Variants in ANO3 observed in about 807,000 individuals in gnomAD.
The protein encoded by ANO3 is anoctamin-3.
ANO3 carries 99 observed loss-of-function variants against 144.8 expected under a neutral mutation model. The observed-to-expected ratio is 0.68, with a 90% CI of 0.58 to 0.81. The LOEUF is 0.81. Among genes scored for constraint, ANO3 ranks in the 30% least tolerant of loss-of-function variants. ANO3 has a pLI of 0.00. For missense variants in ANO3, 905 were observed against 1,202.2 expected (o/e 0.75, Z 3.66); for synonymous variants, 414 against 392.6 (o/e 1.05, Z -0.64).
At chr11:26,626,228 G>A (rs1283345016) in intron 18 of ANO3, among the ~76,000 whole-genome samples, 2 of 151,588 alleles carry the variant, frequency 1.3e-5, no homozygotes, top group African/African-American at 4.8e-5. Flanking sequence ...TGGATACTTA[G>A]TGCATCCCAT....
At chr11:26,225,308 T>G (rs897496074) in intron 1 of ANO3, among the ~76,000 whole-genome samples, 7 of 146,684 alleles carry the variant, frequency 4.8e-5, no homozygotes, top group Admixed American at 2.7e-4. Flanking sequence ...TACAAGATTA[T>G]AAATATAATA....
chr11:26,391,897 C>T (rs553525625), intron 1 of ANO3, among the ~76,000 whole-genome samples: 3 of 152,198 alleles, frequency 2.0e-5, no homozygotes, highest in African/African-American at 7.2e-5. Flanking sequence ...TTTATTCCAT[C>T]GTTAAAGCTT....
chr11:26,521,422 C>T (rs1219629969), intron 6 of ANO3, among the ~76,000 whole-genome samples: 2 of 152,040 alleles, frequency 1.3e-5, no homozygotes, highest in African/African-American at 4.8e-5. Flanking sequence ...TCTTTTCTTC[C>T]TCCTTCTGTC....
intron 11 of ANO3, among the ~76,000 whole-genome samples, chr11:26,547,208 C>A (rs1469128671): frequency 6.6e-6 from 1 of 151,694 alleles, no homozygotes; most frequent in East Asian, 1.9e-4. Flanking sequence ...GACAGAATTG[C>A]CCCATATTGA....
intron 1 of ANO3, among the ~76,000 whole-genome samples, chr11:26,379,097 C>T (rs1275769154): frequency 2.0e-5 from 3 of 151,840 alleles, no homozygotes; most frequent in African/African-American, 7.3e-5. Flanking sequence ...AGTAACATGT[C>T]AGCAAATAAA....
intron 1 of ANO3, among the ~76,000 whole-genome samples, chr11:26,354,759 A>G (rs1397172326): frequency 4.6e-5 from 7 of 152,148 alleles, no homozygotes; most frequent in Admixed American, 3.3e-4. Flanking sequence ...TCCTCAGTAA[A>G]TAAGTATCAA....
At position 26,442,023 on chromosome 11, in the gene ANO3, G is replaced by C. The variant is rs1185181018; in HGVS notation, c.152G>C (p.Ser51Thr). The part of the protein sequence containing the change: ...AQSYAYSKSL[S>T]QSTSLFQSTE... ...AGCTACGCTTACTCAAAGAGCTTGA[G>C]CCAGTCTACTTCCCTCTTCCAGTCA... The change falls in exon 2 of 27, where the codon AGC becomes ACC. Residue 51 changes from serine (S) to threonine (T), a missense_variant. Physicochemically the swap from Ser to Thr is moderately conservative, Grantham distance 58. Coordinates refer to ENST00000256737, the MANE Select transcript of ANO3 (RefSeq NM_031418.4). 1.2e-6 allele frequency: 2 copies of C among 1,613,996 alleles called. No individual in the cohort carries two copies. The highest frequency in any genetic ancestry group is 2.7e-5 in the African/African-American group (2 of 74,924).
At chr11:26,393,877 T>A (rs1856941037) in intron 1 of ANO3, among the ~76,000 whole-genome samples, 1 of 152,162 alleles carries the variant, frequency 6.6e-6, no homozygotes, top group Non-Finnish European at 1.5e-5. Context: ...ATATAAGGGA[T>A]TATTTTGACA....
intron 1 of ANO3, among the ~76,000 whole-genome samples, chr11:26,258,428 G>A (rs531439547): frequency 6.6e-6 from 1 of 152,272 alleles, no homozygotes; most frequent in East Asian, 1.9e-4. Flanking sequence ...GTGAAGCTAT[G>A]AGCGAGAATA....
chr11:26,425,510 G>A (rs142664112), intron 1 of ANO3, among the ~76,000 whole-genome samples: 1 of 151,708 alleles, frequency 6.6e-6, no homozygotes, highest in South Asian at 2.1e-4. Flanking sequence ...GTGAAATATA[G>A]TTTTTTTTAT....
At chr11:26,364,757 A>T (rs371859120) in intron 1 of ANO3, among the ~76,000 whole-genome samples, 1 of 152,198 alleles carries the variant, frequency 6.6e-6, no homozygotes, top group Non-Finnish European at 1.5e-5. Flanking sequence ...TGATCAAATC[A>T]TCTCCTACCA....
chr11:26,595,460 G>GTTGTTTTTTTTTTTTTT (rs1301892343), intron 14 of ANO3, among the ~76,000 whole-genome samples: 1 of 101,386 alleles, frequency 9.9e-6, no homozygotes, highest in African/African-American at 4.2e-5. Flanking sequence ...AGATAGAGTT[G>GTTGTTTTTTTTTTTTTT]TTTTTTTTTT....
intron 17 of ANO3, among the ~76,000 whole-genome samples, chr11:26,610,803 T>C (rs527593192): frequency 6.6e-6 from 1 of 152,160 alleles, no homozygotes; most frequent in Non-Finnish European, 1.5e-5. Context: ...TTATTACTGA[T>C]TCAGTTTCCT....
chr11:26,437,413 A>G (rs1858333911), intron 1 of ANO3, among the ~76,000 whole-genome samples: 1 of 152,194 alleles, frequency 6.6e-6, no homozygotes, highest in Non-Finnish European at 1.5e-5. Context: ...TGGGTCCCCA[A>G]GGTCACACAT....
intron 1 of ANO3, among the ~76,000 whole-genome samples, chr11:26,218,883 GA>G (rs1852086747): frequency 6.6e-6 from 1 of 152,158 alleles, no homozygotes; most frequent in African/African-American, 2.4e-5. Flanking sequence ...GTCATCATTT[GA>G]AAACTTGATT....
At chr11:26,619,432 C>T (rs1281907683) in intron 17 of ANO3, among the ~76,000 whole-genome samples, 2 of 151,952 alleles carry the variant, frequency 1.3e-5, no homozygotes. Context: ...ATCAAATCAC[C>T]TGGAACACTT....
chr11:26,313,548 G>T (rs542762314), intron 1 of ANO3, among the ~76,000 whole-genome samples: 4 of 152,048 alleles, frequency 2.6e-5, no homozygotes, highest in African/African-American at 9.6e-5. Flanking sequence ...TTAGCTGGGC[G>T]TGGTGGTGCG....
At chr11:26,613,167 T>G (rs116927257) in intron 17 of ANO3, among the ~76,000 whole-genome samples, 1 of 152,176 alleles carries the variant, frequency 6.6e-6, no homozygotes, top group African/African-American at 2.4e-5. Flanking sequence ...TTCATAAGTC[T>G]CATACACTTT....
chr11:26,578,990 G>T (rs1345199570), intron 14 of ANO3, among the ~76,000 whole-genome samples: 1 of 152,112 alleles, frequency 6.6e-6, no homozygotes, highest in African/African-American at 2.4e-5. Flanking sequence ...CCCTAATTTT[G>T]TTATATAGTC....
Sources: gnomAD v4.1 joint callset for allele counts (sites outside exome capture counted in the v4.1 genomes callset) on GRCh38, gnomAD v4.1.1 for gene constraint, MANE v1.5 for transcripts, NCBI Gene and HGNC (gene_info 2026-07-23, HGNC 2026-07-21) for gene names.